HECTD4: variants seen among roughly 807,000 people sequenced by gnomAD.
HECTD4 encodes probable E3 ubiquitin-protein ligase HECTD4.
HECTD4 carries 114 observed loss-of-function variants against 471.5 expected under a neutral mutation model. That is an observed-to-expected ratio of 0.24 (90% CI 0.21 to 0.28). HECTD4 has a LOEUF of 0.28. Ranked by LOEUF, HECTD4 falls within the 10% of genes least tolerant of loss-of-function variation. The pLI is 1.00. For missense variants in HECTD4, 3,866 were observed against 5,651.5 expected (o/e 0.68, Z 10.13); for synonymous variants, 2,012 against 2,256.0 (o/e 0.89, Z 3.07).
At chr12:112,289,634 G>A (rs1566100268) in intron 7 of HECTD4, among the ~76,000 whole-genome samples, 1 of 152,014 alleles carries the variant, frequency 6.6e-6, no homozygotes, top group Non-Finnish European at 1.5e-5. Context: ...AATCTGGGGG[G>A]AAGAAAGAAA....
chr12:112,183,026 A>G, intron 62 of HECTD4, 33 bp downstream of exon 62: 1 of 1,521,136 alleles, frequency 6.6e-7, no homozygotes. Context: ...CTCCACAAAA[A>G]GTCTACAGAT....
chr12:112,312,773 T>C (rs983506578), intron 4 of HECTD4, among the ~76,000 whole-genome samples: 1 of 152,208 alleles, frequency 6.6e-6, no homozygotes, highest in East Asian at 1.9e-4. Context: ...TCATGGCTCC[T>C]TGGCAAGAGT....
At chr12:112,346,793 C>T (rs1232792879) in intron 1 of HECTD4, among the ~76,000 whole-genome samples, 1 of 152,182 alleles carries the variant, frequency 6.6e-6, no homozygotes, top group Non-Finnish European at 1.5e-5. Flanking sequence ...AGTGACCACT[C>T]TATTTGATTG....
At chr12:112,249,164 G>A (rs2033823900) in intron 25 of HECTD4, among the ~76,000 whole-genome samples, 1 of 152,064 alleles carries the variant, frequency 6.6e-6, no homozygotes, top group African/African-American at 2.4e-5. Flanking sequence ...AGACCAGACT[G>A]GCCAACGTGG....
At chr12:112,354,376 T>C in intron 1 of HECTD4, among the ~76,000 whole-genome samples, 1 of 152,076 alleles carries the variant, frequency 6.6e-6, no homozygotes, top group Admixed American at 6.6e-5. Flanking sequence ...TTTTAATCCA[T>C]TGGTTTGAAA....
intron 13 of HECTD4, among the ~76,000 whole-genome samples, chr12:112,268,299 A>G (rs753506088): frequency 6.6e-6 from 1 of 152,194 alleles, no homozygotes; most frequent in Non-Finnish European, 1.5e-5. Flanking sequence ...TCATTGCCTT[A>G]ATGCTCCACA....
In HECTD4 at chr12:112,226,653, T is replaced by A. The variant is rs1053277548; in HGVS notation, c.6960A>T (p.Glu2320Asp). The A allele has an allele frequency of 6.2e-7, 1 of 1,608,082 alleles. No individual in the cohort carries two copies. The highest frequency in any genetic ancestry group is 1.3e-5 in the African/African-American group (1 of 74,982). ...AGTTCAGGTACTCACCAGCACTACA[T>A]TCCTGGGCTACTAGGTTAAGAACTT... The part of the protein sequence containing the change: ...AVEVLNLVAQ[E>D]CSAGERLAVV... The change falls in exon 44 of 76, where the codon GAA becomes GAT. Residue 2320 changes from glutamate to aspartate, a missense_variant. By Grantham distance (45) the Glu-to-Asp change is conservative. Transcript: ENST00000682272.
intron 1 of HECTD4, among the ~76,000 whole-genome samples, chr12:112,332,095 CAT>C (rs936263247): frequency 1.3e-5 from 2 of 151,828 alleles, no homozygotes; most frequent in African/African-American, 2.4e-5. Context: ...GAAGGGCTGT[CAT>C]GTGGAAGAGG....
Position 112,167,859 on chromosome 12 carries a change from C to G in HECTD4, c.12267G>C (p.Leu4089=), listed in dbSNP as rs767206180. 2.5e-6 allele frequency: 4 copies of G among 1,613,554 alleles called. No homozygotes were observed. Among genetic ancestry groups the G allele is most frequent in the Non-Finnish European group, 3.4e-6 (4 of 1,179,896 alleles). ...QVCKELQSSS[L]SLLLLCPSSA... ...AGCTGGGGCACAGCAGCAGCAGCGA[C>G]AGCGAGGAACTCTGCAGCTCCTTAC... Residue 4089 remains leucine, a synonymous_variant, in exon 71 of 76, where the codon CTG becomes CTC. Coordinates refer to ENST00000682272, the MANE Select transcript of HECTD4 (RefSeq NM_001388303.1).
chr12:112,378,609 G>A (rs757676544), intron 1 of HECTD4, among the ~76,000 whole-genome samples: 25 of 152,090 alleles, frequency 1.6e-4, no homozygotes, highest in Admixed American at 4.6e-4. Flanking sequence ...CTCATAATCC[G>A]AAAGTGTTAA....
intron 32 of HECTD4, among the ~76,000 whole-genome samples, chr12:112,242,148 C>T (rs1358544844): frequency 6.6e-6 from 1 of 152,180 alleles, no homozygotes. Flanking sequence ...TCAGTAATAA[C>T]AGTTATGGAA....
intron 2 of HECTD4, among the ~76,000 whole-genome samples, chr12:112,316,278 G>C (rs2035477370): frequency 6.6e-6 from 1 of 152,162 alleles, no homozygotes; most frequent in African/African-American, 2.4e-5. Flanking sequence ...CCAGGGCCCA[G>C]TTCAAGTGTC....
intron 1 of HECTD4, among the ~76,000 whole-genome samples, chr12:112,359,010 C>T (rs1480770334): frequency 3.3e-5 from 5 of 152,034 alleles, no homozygotes; most frequent in Non-Finnish European, 7.4e-5. Flanking sequence ...CTCGTCTCTA[C>T]TAAAAATACA....
chr12:112,200,624 G>A lies in HECTD4; in HGVS notation c.8567+14C>T. ...GATTTCTGTGACCCAGTAGAAAGAAGGGCCCAATTGTACCTGTGAATTTGA... is the reference window on the plus strand; with the variant it reads ...GATTTCTGTGACCCAGTAGAAAGAAAGGCCCAATTGTACCTGTGAATTTGA... On this transcript the variant is annotated intron_variant, in intron 55 of 75. Coordinates refer to ENST00000682272, the MANE Select transcript of HECTD4 (RefSeq NM_001388303.1). 2 of 1,602,156 alleles carry A rather than the reference G, an allele frequency of 1.2e-6. No individual in the cohort carries two copies. Among genetic ancestry groups the A allele is most frequent in the Non-Finnish European group, 1.7e-6 (2 of 1,170,816 alleles).
intron 19 of HECTD4, 42 bp downstream of exon 19, chr12:112,259,070 T>G (rs2034087342): frequency 6.5e-7 from 1 of 1,547,436 alleles, no homozygotes. Flanking sequence ...GTGAAGCAGG[T>G]TGGCCAAAAA....
intron 34 of HECTD4, 96 bp from the exon 35 acceptor site, chr12:112,237,194 T>C: frequency 9.0e-7 from 1 of 1,116,264 alleles, no homozygotes; most frequent in Non-Finnish European, 1.2e-6. Flanking sequence ...TTTATCTTGC[T>C]TAATGTTTCA....
intron 40 of HECTD4, 21 bp downstream of exon 40, chr12:112,230,666 G>A (rs1159287912): frequency 2.5e-6 from 4 of 1,593,060 alleles, no homozygotes. Flanking sequence ...TTTCTCAGTT[G>A]AGTAGCAACA....
chr12:112,342,059 T>C (rs949022773), intron 1 of HECTD4, among the ~76,000 whole-genome samples: 3 of 152,232 alleles, frequency 2.0e-5, no homozygotes, highest in African/African-American at 4.8e-5. Flanking sequence ...ATATATGAAA[T>C]GATTTATTGT....
chr12:112,382,391 GC>G lies in HECTD4; in HGVS notation c.-264del, dbSNP rs1352197189. The G allele has an allele frequency of 3.0e-6, 1 of 335,602 alleles. No individual in the cohort carries two copies. The highest frequency in any genetic ancestry group is 2.2e-5 in the African/African-American group (1 of 44,914). 20.8% of individuals were successfully genotyped at this position (335,602 alleles called of 1,614,324 possible). On this transcript the variant is annotated 5_prime_UTR_variant, in exon 1 of 76. Coordinates refer to ENST00000682272, the MANE Select transcript of HECTD4 (RefSeq NM_001388303.1). Reference sequence around the variant, plus strand: ...GAGCAGGATCCGCCTCTGCCGCTCGGCAACCAACTGTCAGTGAGACGCCATG... The same window carrying G: ...GAGCAGGATCCGCCTCTGCCGCTCGGAACCAACTGTCAGTGAGACGCCATG...
Sources: gnomAD v4.1 joint callset for allele counts (sites outside exome capture counted in the v4.1 genomes callset) on GRCh38, gnomAD v4.1.1 for gene constraint, MANE v1.5 for transcripts, NCBI Gene and HGNC (gene_info 2026-07-23, HGNC 2026-07-21) for gene names.